The following NCEH1 variants were observed in gnomAD, a reference collection of about 807,000 sequenced individuals.
The protein encoded by NCEH1 is 2-acetyl MAGE hydrolase.
Under a neutral mutation model 25.4 loss-of-function variants are expected in NCEH1, and 9 were observed. The ratio of observed to expected loss-of-function variants is 0.35; its 90% CI spans 0.21 to 0.62. The LOEUF (loss-of-function observed/expected upper bound fraction) is 0.62, where lower values mean the gene tolerates loss of function less well. NCEH1 is among the 20% of genes least tolerant of loss of function. The pLI is 0.72. For missense variants in NCEH1, 412 were observed against 501.1 expected (o/e 0.82, Z 1.70); for synonymous variants, 200 against 199.8 (o/e 1.00, Z -0.01).
At chr3:172,675,315 A>AAATAAATAAATTAATT (rs1553835580) in intron 1 of NCEH1, among the ~76,000 whole-genome samples, 1 of 134,544 alleles carries the variant, frequency 7.4e-6, no homozygotes, top group African/African-American at 3.1e-5. Context: ...ATAAATAAAT[A>AAATAAATAAATTAATT]AATAAATAAA....
At chr3:172,680,272 C>T (rs1233333177) in intron 1 of NCEH1, among the ~76,000 whole-genome samples, 3 of 152,162 alleles carry the variant, frequency 2.0e-5, no homozygotes, top group African/African-American at 4.8e-5. Context: ...GCTAAGAGGA[C>T]GACTTGTAAT....
chr3:172,709,593 G>A (rs749216702), intron 1 of NCEH1, among the ~76,000 whole-genome samples: 6 of 152,178 alleles, frequency 3.9e-5, no homozygotes, highest in Non-Finnish European at 7.3e-5. Flanking sequence ...AGGTGAGAAT[G>A]TGGCTGAATT....
intron 1 of NCEH1, among the ~76,000 whole-genome samples, chr3:172,654,657 T>C (rs1717607308): frequency 6.6e-6 from 1 of 152,234 alleles, no homozygotes; most frequent in Admixed American, 6.5e-5. Context: ...AGCACACTGA[T>C]AACCCATACA....
chr3:172,707,564 G>A lies in NCEH1; in HGVS notation c.138+3283C>T, dbSNP rs115932668. Among the ~76,000 whole-genome samples the A allele has an allele frequency of 3.3e-3, 505 of 152,104 alleles. 2 individuals carry two copies. The highest frequency in any genetic ancestry group is 5.0e-3 in the Non-Finnish European group (337 of 67,952). Reference sequence around the variant, plus strand: ...TTTTGCTGCAATGAAGATCATCTGGGGAACTTTTCGTTTTTTATTTTTATT... The same window carrying A: ...TTTTGCTGCAATGAAGATCATCTGGAGAACTTTTCGTTTTTTATTTTTATT... On this transcript the variant is annotated intron_variant, in intron 1 of 4. Coordinates refer to ENST00000475381, the MANE Select transcript of NCEH1 (RefSeq NM_020792.6).
intron 1 of NCEH1, among the ~76,000 whole-genome samples, chr3:172,689,290 C>T (rs2108527001): frequency 8.0e-6 from 1 of 125,754 alleles, no homozygotes; most frequent in South Asian, 2.5e-4. Context: ...TGGAGCTTCG[C>T]TCTTGTTGCC....
At chr3:172,687,406 A>G (rs946253048) in intron 1 of NCEH1, among the ~76,000 whole-genome samples, 2 of 152,204 alleles carry the variant, frequency 1.3e-5, no homozygotes, top group Non-Finnish European at 2.9e-5. Flanking sequence ...TTGCTGCACA[A>G]TATCTTTCAT....
At chr3:172,635,802 T>C in intron 4 of NCEH1, 114 bp downstream of exon 4, 1 of 925,806 alleles carries the variant, frequency 1.1e-6, no homozygotes. Context: ...TTTGGCCATC[T>C]AGTGACCGGC....
intron 3 of NCEH1, among the ~76,000 whole-genome samples, chr3:172,637,740 T>C (rs1716658100): frequency 6.6e-6 from 1 of 152,086 alleles, no homozygotes; most frequent in Admixed American, 6.5e-5. Flanking sequence ...AATACAAAAA[T>C]TAGCCAGGCA....
chr3:172,709,600 A>T (rs998118295), intron 1 of NCEH1, among the ~76,000 whole-genome samples: 1 of 152,192 alleles, frequency 6.6e-6, no homozygotes, highest in Non-Finnish European at 1.5e-5. Flanking sequence ...AATGTGGCTG[A>T]ATTCAGGAAA....
chr3:172,633,377 G>T lies in NCEH1; in HGVS notation c.*98C>A. The stretch of plus-strand genomic sequence containing the variant: ...AATTCCATAACTCGCAAGTAGAGGG[G>T]AATGGGAGGAAGAATTAGTCAACTA... On this transcript the variant is annotated 3_prime_UTR_variant, in exon 5 of 5. Transcript: ENST00000475381. 9.0e-7 allele frequency: 1 copy of T among 1,115,834 alleles called. No individual in the cohort carries two copies. The highest frequency in any genetic ancestry group is 1.3e-6 in the Non-Finnish European group (1 of 767,986). The allele number at this position is 1,115,834 out of a possible 1,614,324, so 69.1% of individuals were successfully genotyped here. A position where few individuals can be genotyped will look rare whatever the true frequency, so the allele number is the denominator to read the frequency against.
chr3:172,647,925 C>T lies in NCEH1; in HGVS notation c.328G>A (p.Val110Ile), dbSNP rs377294886. The stretch of plus-strand genomic sequence containing the variant: ...GCCCAGCCTCCTCCGTGGATATAAA[C>T]GACGCTGCGTTTCAGTGGCTCTTCG... ...KPEEPLKRSV[V>I]YIHGGGWALA... is the part of the protein sequence containing the mutation. The change falls in exon 2 of 5, where the codon GTT becomes ATT. Residue 110 changes from valine to isoleucine, a missense_variant. Physicochemically the swap from Val to Ile is conservative, Grantham distance 29. Transcript: ENST00000475381. 56 of 1,614,094 alleles carry T rather than the reference C, an allele frequency of 3.5e-5. No homozygotes were observed. The highest frequency in any genetic ancestry group is 1.6e-4 in the Middle Eastern group (1 of 6,084).
intron 1 of NCEH1, among the ~76,000 whole-genome samples, chr3:172,692,247 A>T (rs1335612181): frequency 6.6e-6 from 1 of 152,264 alleles, no homozygotes; most frequent in African/African-American, 2.4e-5. Flanking sequence ...AAAAGCTACT[A>T]AAACCAAACA....
intron 1 of NCEH1, among the ~76,000 whole-genome samples, chr3:172,679,783 T>C (rs1043747701): frequency 1.3e-5 from 2 of 152,026 alleles, no homozygotes; most frequent in African/African-American, 4.8e-5. Flanking sequence ...ATTCCCGCCA[T>C]CTTCTCCTTG....
Position 172,684,807 on chromosome 3 carries a change from C to T in NCEH1, c.138+26040G>A, listed in dbSNP as rs145575202. 9.2e-3 allele frequency among the ~76,000 whole-genome samples: 1,405 copies of T among 151,984 alleles called. 30 individuals carry two copies. The highest frequency in any genetic ancestry group is 0.032 in the African/African-American group (1,345 of 41,410). On this transcript the variant is annotated intron_variant, in intron 1 of 4. Transcript: ENST00000475381. ...ACCAGCCTGGCCAACATGGTGAAAC[C>T]TCATTTCTACTAAAAATGCAAAAAC...
At chr3:172,641,709 C>T (rs532027136) in intron 3 of NCEH1, among the ~76,000 whole-genome samples, 1 of 152,310 alleles carries the variant, frequency 6.6e-6, no homozygotes, top group Non-Finnish European at 1.5e-5. Context: ...AGTCGTCCCT[C>T]CGTCTGTCTT....
intron 1 of NCEH1, among the ~76,000 whole-genome samples, chr3:172,671,353 C>G (rs1711608238): frequency 6.6e-6 from 1 of 152,072 alleles, no homozygotes; most frequent in East Asian, 1.9e-4. Flanking sequence ...ATATGATTAC[C>G]TAATAATTCA....
At chr3:172,642,603 C>CA (rs66551744) in intron 3 of NCEH1, among the ~76,000 whole-genome samples, 26,824 of 84,320 alleles carry the variant, frequency 0.32, 3,295 homozygotes, top group Non-Finnish European at 0.35. Context: ...GCTATTTCTA[C>CA]AAAAAAAAAA....
intron 1 of NCEH1, among the ~76,000 whole-genome samples, chr3:172,659,921 G>A (rs1159754668): frequency 1.3e-5 from 2 of 151,872 alleles, no homozygotes; most frequent in Admixed American, 1.3e-4. Flanking sequence ...ATAATTTTTA[G>A]GCAGATAGAG....
At chr3:172,682,719 T>C (rs1490142539) in intron 1 of NCEH1, among the ~76,000 whole-genome samples, 1 of 152,042 alleles carries the variant, frequency 6.6e-6, no homozygotes, top group Non-Finnish European at 1.5e-5. Flanking sequence ...GTAGTGTCTA[T>C]TTAGGAAAAA....
Sources: allele counts gnomAD v4.1 joint callset (sites outside exome capture counted in the v4.1 genomes callset), GRCh38; gene constraint gnomAD v4.1.1; transcripts MANE v1.5; gene names NCBI Gene and HGNC (gene_info 2026-07-23, HGNC 2026-07-21).